The following WDPCP variants were observed in gnomAD, a reference collection of about 807,000 sequenced individuals.
The protein encoded by WDPCP is WD repeat-containing and planar cell polarity effector protein fritz homolog.
A neutral mutation model predicts 93.1 loss-of-function variants in WDPCP; 71 were observed. The ratio of observed to expected loss-of-function variants is 0.76; its 90% confidence interval spans 0.63 to 0.93. The LOEUF (loss-of-function observed/expected upper bound fraction) is 0.93, where lower values mean the gene tolerates loss of function less well. Among genes scored for constraint, WDPCP ranks in the 40% least tolerant of loss-of-function variants. The pLI is 0.00. For synonymous variants in WDPCP, 315 were observed against 315.0 expected (o/e 1.00, Z 0.00); for missense variants, 844 against 887.4 (o/e 0.95, Z 0.62).
At chr2:63,670,925 A>G (rs1312644968) in intron 2 of WDPCP, among the ~76,000 whole-genome samples, 2 of 152,222 alleles carry the variant, frequency 1.3e-5, no homozygotes, top group African/African-American at 4.8e-5. Flanking sequence ...AAGGCTAAAT[A>G]AAAAGTTCAG....
intron 3 of WDPCP, chr2:63,594,500 A>G (rs1450840263): frequency 7.4e-6 from 12 of 1,613,236 alleles, no homozygotes; most frequent in Non-Finnish European, 1.0e-5. Flanking sequence ...TGAACCAATC[A>G]GAGTCCTTGT....
chr2:63,291,443 G>A (rs1219243356), intron 13 of WDPCP, among the ~76,000 whole-genome samples: 3 of 152,132 alleles, frequency 2.0e-5, no homozygotes, highest in Non-Finnish European at 4.4e-5. Context: ...GAAGAATAAG[G>A]CAAATTAATG....
chr2:63,216,154 C>T (rs965413339), intron 14 of WDPCP, among the ~76,000 whole-genome samples: 2 of 152,180 alleles, frequency 1.3e-5, no homozygotes, highest in African/African-American at 2.4e-5. Context: ...TGTGGCAATT[C>T]CTCAAGGATC....
At chr2:63,675,360 A>G (rs1710392151) in intron 2 of WDPCP, among the ~76,000 whole-genome samples, 1 of 151,998 alleles carries the variant, frequency 6.6e-6, no homozygotes, top group South Asian at 2.1e-4. Context: ...TGTTTCTATC[A>G]TACTCTCTCC....
At chr2:63,497,223 T>C (rs1019387796) in intron 1 of WDPCP, among the ~76,000 whole-genome samples, 6 of 151,434 alleles carry the variant, frequency 4.0e-5, no homozygotes, top group African/African-American at 9.7e-5. Flanking sequence ...AGAATCTGTA[T>C]CCAGCAAAAG....
Position 63,121,760 on chromosome 2 carries a change from C to T in WDPCP, c.*246G>A. 9.9e-7 allele frequency: 1 copy of T among 1,012,764 alleles called. No homozygotes were observed. The highest frequency in any genetic ancestry group is 2.5e-5 in the South Asian group (1 of 40,502). 62.7% of individuals were successfully genotyped at this position (1,012,764 alleles called of 1,614,324 possible). ...ATTAACATACAATTTAAGACACTTT[C>T]AAAATTTTACATTATTGAAAATAAG... On this transcript the variant is annotated 3_prime_UTR_variant, in exon 18 of 18. Coordinates refer to ENST00000272321, the MANE Select transcript of WDPCP (RefSeq NM_015910.7).
chr2:63,573,561 G>T (rs975344982), intron 1 of WDPCP, among the ~76,000 whole-genome samples: 1 of 151,934 alleles, frequency 6.6e-6, no homozygotes, highest in Non-Finnish European at 1.5e-5. Flanking sequence ...CATCATCTTC[G>T]TAAGCTGAGG....
intron 14 of WDPCP, among the ~76,000 whole-genome samples, chr2:63,189,056 ACTGT>A (rs970567612): frequency 1.3e-5 from 2 of 151,428 alleles, no homozygotes; most frequent in Non-Finnish European, 2.9e-5. Flanking sequence ...GGTGCTTCTG[ACTGT>A]CTTCTTTCCT....
intron 1 of WDPCP, among the ~76,000 whole-genome samples, chr2:63,827,311 CTT>C (rs772439264): frequency 6.6e-6 from 1 of 151,978 alleles, no homozygotes; most frequent in Non-Finnish European, 1.5e-5. Context: ...CAATATTTTT[CTT>C]GTTTCTTTTC....
At chr2:63,283,335 C>A (rs1433111522) in intron 13 of WDPCP, among the ~76,000 whole-genome samples, 1 of 152,146 alleles carries the variant, frequency 6.6e-6, no homozygotes, top group Non-Finnish European at 1.5e-5. Flanking sequence ...CATGCCACCA[C>A]ACCCAGCTTT....
chr2:63,437,332 TGAA>T, intron 8 of WDPCP, 86 bp downstream of exon 8: 2 of 1,079,716 alleles, frequency 1.9e-6, no homozygotes, highest in Non-Finnish European at 2.6e-6. Flanking sequence ...CCAGAAATGT[TGAA>T]GAATAATGAG....
chr2:63,581,792 A>G (rs1015877454), intron 1 of WDPCP, among the ~76,000 whole-genome samples: 1 of 152,106 alleles, frequency 6.6e-6, no homozygotes, highest in African/African-American at 2.4e-5. Flanking sequence ...GGATCGTTTG[A>G]GTCCTAGAGT....
In WDPCP at chr2:63,731,291, A is replaced by G. The variant is rs376699588; in HGVS notation, n.309-80453T>C. Among the ~76,000 whole-genome samples, 21 of 152,016 alleles carry G rather than the reference A, an allele frequency of 1.4e-4. No homozygotes were observed. The East Asian group carries it at 2.9e-3, about 21-fold the overall frequency. On this transcript the variant is annotated intron_variant and non_coding_transcript_variant, in intron 2 of 4. Coordinates refer to the WDPCP transcript ENST00000467687. ...TCAAAAAAAAAAAAAAAAAGACAAG[A>G]ATAAGACTGTTTATAAACTGTTGGG...
At chr2:63,471,354 T>C (rs1699679108) in intron 6 of WDPCP, among the ~76,000 whole-genome samples, 1 of 152,248 alleles carries the variant, frequency 6.6e-6, no homozygotes, top group Admixed American at 6.5e-5. Context: ...GGAGAAGTTA[T>C]AACCCAATTC....
intron 2 of WDPCP, among the ~76,000 whole-genome samples, chr2:63,732,900 A>C (rs1234928473): frequency 6.6e-6 from 1 of 152,220 alleles, no homozygotes; most frequent in Non-Finnish European, 1.5e-5. Context: ...AAACATGAAG[A>C]ACTACAGATA....
intron 2 of WDPCP, among the ~76,000 whole-genome samples, chr2:63,490,608 T>A (rs890339868): frequency 6.6e-6 from 1 of 152,132 alleles, no homozygotes; most frequent in African/African-American, 2.4e-5. Context: ...AGAGAATGGG[T>A]AGGCCCTGCA....
chr2:63,172,982 C>G (rs534545897), intron 15 of WDPCP, among the ~76,000 whole-genome samples: 1 of 152,236 alleles, frequency 6.6e-6, no homozygotes, highest in South Asian at 2.1e-4. Context: ...AATTTGTGGG[C>G]TGGGTGTGGT....
intron 1 of WDPCP, among the ~76,000 whole-genome samples, chr2:63,823,863 G>A (rs1357549434): frequency 6.6e-6 from 1 of 152,100 alleles, no homozygotes; most frequent in Non-Finnish European, 1.5e-5. Flanking sequence ...AATGATACTG[G>A]AAAAGCACAA....
chr2:63,430,514 C>T (rs771674944), intron 9 of WDPCP, among the ~76,000 whole-genome samples: 23 of 152,068 alleles, frequency 1.5e-4, no homozygotes, highest in Non-Finnish European at 2.8e-4. Context: ...TTTTTCTGTA[C>T]TATTTACTGT....
Sources: gnomAD v4.1 joint callset for allele counts (sites outside exome capture counted in the v4.1 genomes callset) on GRCh38, gnomAD v4.1.1 for gene constraint, MANE v1.5 for transcripts, NCBI Gene and HGNC (gene_info 2026-07-23, HGNC 2026-07-21) for gene names.